Variants in TSPAN5 observed in about 807,000 individuals in gnomAD.
TSPAN5 encodes tetraspanin-5.
Under a neutral mutation model 37.1 loss-of-function variants are expected in TSPAN5, and 10 were observed. That is an observed-to-expected ratio of 0.27 (90% CI 0.17 to 0.46). TSPAN5 has a LOEUF of 0.46. Among genes scored for constraint, TSPAN5 ranks in the 20% least tolerant of loss-of-function variants. TSPAN5 has a pLI of 1.00. For missense variants in TSPAN5, 195 were observed against 326.6 expected (o/e 0.60, Z 3.11); for synonymous variants, 110 against 118.9 (o/e 0.93, Z 0.48).
chr4:98,642,870 A>G (rs1756987407), intron 1 of TSPAN5, among the ~76,000 whole-genome samples: 1 of 152,238 alleles, frequency 6.6e-6, no homozygotes, highest in Non-Finnish European at 1.5e-5. Context: ...GTACAGCTGT[A>G]CAATCTGTTA....
intron 1 of TSPAN5, among the ~76,000 whole-genome samples, chr4:98,603,093 T>C (rs1441010217): frequency 6.6e-6 from 1 of 152,240 alleles, no homozygotes; most frequent in African/African-American, 2.4e-5. Context: ...CCTTCTTCTA[T>C]ACCTTTGAAC....
Position 98,555,206 on chromosome 4 carries a change from CT to C in TSPAN5, c.82-47479del, listed in dbSNP as rs368952545. 9.3e-4 allele frequency among the ~76,000 whole-genome samples: 142 copies of C among 152,210 alleles called. 2 individuals are homozygous for C. The highest frequency in any genetic ancestry group is 3.2e-3 in the African/African-American group (134 of 41,516). ...CCATCAGTATGTGCACCATACGATA[CT>C]TCATAATCCCTAAGGATCTCTGTGC... On this transcript the variant is annotated intron_variant, in intron 1 of 7. Transcript: ENST00000305798.
At chr4:98,599,903 C>T (rs1335507917) in intron 1 of TSPAN5, among the ~76,000 whole-genome samples, 1 of 152,128 alleles carries the variant, frequency 6.6e-6, no homozygotes, top group Non-Finnish European at 1.5e-5. Context: ...ACATACAAGT[C>T]TTTTTTGTGG....
chr4:98,538,795 T>A (rs889777397), intron 1 of TSPAN5, among the ~76,000 whole-genome samples: 4 of 152,250 alleles, frequency 2.6e-5, no homozygotes, highest in African/African-American at 9.6e-5. Context: ...GTTTGTTGTA[T>A]ACTGATTTTC....
intron 1 of TSPAN5, among the ~76,000 whole-genome samples, chr4:98,605,139 T>G (rs143387384): frequency 5.9e-5 from 9 of 152,202 alleles, no homozygotes; most frequent in East Asian, 1.9e-4. Flanking sequence ...TTTTCTCTTT[T>G]TTGTTGTTGT....
At chr4:98,511,853 C>A (rs971752265) in intron 1 of TSPAN5, among the ~76,000 whole-genome samples, 2 of 151,990 alleles carry the variant, frequency 1.3e-5, no homozygotes, top group Admixed American at 1.3e-4. Flanking sequence ...TACAAAGTAT[C>A]CCATAACAAT....
intron 1 of TSPAN5, among the ~76,000 whole-genome samples, chr4:98,618,998 A>G (rs189747672): frequency 6.4e-4 from 98 of 152,294 alleles, no homozygotes; most frequent in African/African-American, 2.2e-3. Context: ...AGGGAAAGAT[A>G]ATCTTTTTCT....
chr4:98,484,521 T>G (rs1752917960), intron 3 of TSPAN5: 1 of 456,158 alleles, frequency 2.2e-6, no homozygotes, highest in African/African-American at 2.0e-5. Flanking sequence ...ATTTCCAACA[T>G]GAGACTTTAT....
At chr4:98,551,492 C>CTTTTTTTTTTTT (rs35415457) in intron 1 of TSPAN5, among the ~76,000 whole-genome samples, 2 of 92,240 alleles carry the variant, frequency 2.2e-5, no homozygotes, top group African/African-American at 4.2e-5. Context: ...TTTTTCTTTT[C>CTTTTTTTTTTTT]TTTTTTTTTT....
chr4:98,638,592 G>A (rs1458945372), intron 1 of TSPAN5, among the ~76,000 whole-genome samples: 2 of 152,200 alleles, frequency 1.3e-5, no homozygotes. Context: ...CAGATGAAGA[G>A]ATTCACAGGT....
chr4:98,607,668 A>G (rs947137314), intron 1 of TSPAN5, among the ~76,000 whole-genome samples: 8 of 128,580 alleles, frequency 6.2e-5, no homozygotes, highest in Non-Finnish European at 1.3e-4. Flanking sequence ...TTTAGAGTAC[A>G]CAGTTGGGAA....
At chr4:98,607,393 A>G (rs530172968) in intron 1 of TSPAN5, among the ~76,000 whole-genome samples, 16 of 152,340 alleles carry the variant, frequency 1.1e-4, no homozygotes, top group African/African-American at 3.8e-4. Flanking sequence ...AGTCTTAGAC[A>G]TGAACCCCAG....
At chr4:98,582,886 T>G (rs970649234) in intron 1 of TSPAN5, among the ~76,000 whole-genome samples, 1 of 152,166 alleles carries the variant, frequency 6.6e-6, no homozygotes, top group Admixed American at 6.5e-5. Flanking sequence ...AAAAGTGAGC[T>G]TGGTACCCAC....
At chr4:98,536,737 C>T (rs1262552704) in intron 1 of TSPAN5, among the ~76,000 whole-genome samples, 2 of 152,258 alleles carry the variant, frequency 1.3e-5, no homozygotes, top group South Asian at 2.1e-4. Context: ...AGCAGCCTTT[C>T]TGAGCTGCAG....
chr4:98,649,895 G>C (rs1467671315), intron 1 of TSPAN5, among the ~76,000 whole-genome samples: 1 of 152,190 alleles, frequency 6.6e-6, no homozygotes, highest in Non-Finnish European at 1.5e-5. Context: ...AGAGCACCGT[G>C]ACCAGGGCAA....
At chr4:98,539,700 G>A (rs1754316560) in intron 1 of TSPAN5, among the ~76,000 whole-genome samples, 1 of 152,062 alleles carries the variant, frequency 6.6e-6, no homozygotes, top group African/African-American at 2.4e-5. Context: ...GGCAACCTTC[G>A]ATATGGCCTT....
rs542736905 is a variant in TSPAN5 at position 98,600,373 on chromosome 4, A to T, written c.81+57773T>A. 4.6e-5 allele frequency among the ~76,000 whole-genome samples: 7 copies of T among 152,312 alleles called. No homozygotes were observed. The South Asian group carries it at 1.4e-3, about 32-fold the overall frequency. On this transcript the variant is annotated intron_variant, in intron 1 of 7. Transcript: ENST00000305798. ...ACAAAAGATTTCTCTGTAACATGTT[A>T]TGCTGTCAGATGGCATTTTACTCAC...
At chr4:98,615,119 T>C (rs1756292459) in intron 1 of TSPAN5, among the ~76,000 whole-genome samples, 1 of 151,826 alleles carries the variant, frequency 6.6e-6, no homozygotes, top group Non-Finnish European at 1.5e-5. Flanking sequence ...CCCATACCTG[T>C]GTGGCCCAGC....
At chr4:98,623,106 G>A (rs1449635611) in intron 1 of TSPAN5, among the ~76,000 whole-genome samples, 1 of 152,108 alleles carries the variant, frequency 6.6e-6, no homozygotes, top group Non-Finnish European at 1.5e-5. Context: ...AGTGGTGGTG[G>A]AAAGGAAAGG....
Sources: allele counts gnomAD v4.1 joint callset (sites outside exome capture counted in the v4.1 genomes callset), GRCh38; gene constraint gnomAD v4.1.1; transcripts MANE v1.5; gene names NCBI Gene and HGNC (gene_info 2026-07-23, HGNC 2026-07-21).